CCDC40: variants seen among roughly 807,000 people sequenced by gnomAD.
CCDC40 encodes the protein coiled-coil domain 40 molecular ruler complex subunit, also known as coiled-coil domain-containing protein 40.
Under a neutral mutation model 124.5 loss-of-function variants are expected in CCDC40, and 104 were observed. The ratio of observed to expected loss-of-function variants is 0.84; its 90% CI spans 0.71 to 0.98. CCDC40 has a LOEUF of 0.98. Among genes scored for constraint, CCDC40 ranks in the 50% least tolerant of loss-of-function variants. The probability of loss-of-function intolerance (pLI) is 0.00; values close to 1 mark genes in which losing one functional copy is unlikely to be tolerated. For synonymous variants in CCDC40, 580 were observed against 602.9 expected, an observed-to-expected ratio of 0.96 and a Z score of 0.56; for missense variants, 1,463 against 1,503.9, an observed-to-expected ratio of 0.97 and a Z score of 0.45.
In CCDC40 at chr17:80,047,297, C is replaced by T. The variant is rs1271192569; in HGVS notation, c.571C>T (p.Pro191Ser). Residue 191 changes from proline (P) to serine (S), a missense_variant, in exon 4 of 20, where the codon CCC becomes TCC. Transcript: ENST00000397545. ...GCCATAGACAGGATCCACAGAGGAGCCCCAGGGGCAGGTGCTCCCAATGGG... is the reference window on the plus strand; with the variant it reads ...GCCATAGACAGGATCCACAGAGGAGTCCCAGGGGCAGGTGCTCCCAATGGG... Reference protein sequence around the residue: ...VGRLTGSTEEPQGQVLPMGVQ... With the variant: ...VGRLTGSTEESQGQVLPMGVQ... 2 of 1,613,746 alleles carry T rather than the reference C, an allele frequency of 1.2e-6. No individual in the cohort carries two copies. The highest frequency in any genetic ancestry group is 1.7e-6 in the Non-Finnish European group (2 of 1,179,834).
At chr17:80,067,684 G>A (rs559808248) in intron 10 of CCDC40, 47 of 1,535,682 alleles carry the variant, frequency 3.1e-5, no homozygotes, top group Non-Finnish European at 3.7e-5. Flanking sequence ...GAATGCTAAC[G>A]CTCACCAGGA....
In CCDC40 at chr17:80,058,598, G is replaced by T. The variant is rs774282835; in HGVS notation, c.1264G>T (p.Val422Leu). 6.2e-7 allele frequency: 1 copy of T among 1,614,232 alleles called. No homozygotes were observed. Among genetic ancestry groups the T allele is most frequent in the Non-Finnish European group, 8.5e-7 (1 of 1,180,036 alleles). The change falls in exon 8 of 20, where the codon GTA becomes TTA. Residue 422 changes from valine to leucine, a missense_variant. By Grantham distance (32) the Val-to-Leu change is conservative (BLOSUM62 1). Transcript: ENST00000397545. The surrounding 1 kb of genome is among the most constrained non-coding windows in gnomAD (Gnocchi z 4.2). Reference protein sequence around the residue: ...RDDIRVMTQVVKKAETERIRA... With the variant: ...RDDIRVMTQVLKKAETERIRA... Reference sequence around the variant, plus strand: ...CGACATCCGCGTGATGACACAAGTGGTAAAGAAGGCCGAGACGGAGAGGAT... The same window carrying T: ...CGACATCCGCGTGATGACACAAGTGTTAAAGAAGGCCGAGACGGAGAGGAT...
chr17:80,058,473 C>T lies in CCDC40; in HGVS notation c.1160-21C>T, dbSNP rs1465525885. ...CTCCCCACTCACTCTCTCTCTCTTT[C>T]TCCCCCGCCGCGCCCCGCAGTGGCG... On this transcript the variant is annotated intron_variant, in intron 7 of 19. Transcript: ENST00000397545. This position sits in a 1 kb window ranked among gnomAD's most constrained non-coding sequence, Gnocchi z 4.2. 6.2e-7 allele frequency: 1 copy of T among 1,612,124 alleles called. No homozygotes were observed. Among genetic ancestry groups the T allele is most frequent in the East Asian group, 2.2e-5 (1 of 44,864 alleles).
At chr17:80,041,206 C>A (rs2037271449) in intron 3 of CCDC40, among the ~76,000 whole-genome samples, 1 of 152,130 alleles carries the variant, frequency 6.6e-6, no homozygotes, top group Non-Finnish European at 1.5e-5. Context: ...TGGGACACAA[C>A]CATCAAAATC....
rs139301500 is a variant in CCDC40 at position 80,095,474 on chromosome 17, CAG to C, written c.3021+24_3021+25del. On this transcript the variant is annotated intron_variant, in intron 18 of 19. Transcript: ENST00000397545. ...AAGGTAGGGAGCAGCGGAAAGGAAACAGGGCGCCTGCTCCTCTCTCTGGGATT... is the reference window on the plus strand; with the variant it reads ...AAGGTAGGGAGCAGCGGAAAGGAAACGGCGCCTGCTCCTCTCTCTGGGATT... 44,723 of 1,610,074 alleles carry C rather than the reference CAG, an allele frequency of 0.028. 679 individuals carry two copies. Among genetic ancestry groups the C allele is most frequent in the Non-Finnish European group, 0.032 (37,301 of 1,176,708 alleles).
chr17:80,058,729 CGT>C lies in CCDC40; in HGVS notation c.1317+80_1317+81del. On this transcript the variant is annotated intron_variant, in intron 8 of 19. Transcript: ENST00000397545. This position sits in a 1 kb window ranked among gnomAD's most constrained non-coding sequence, Gnocchi z 4.2. ...AAAAGGGGCTCAGCTTTGCCTCCTG[CGT>C]GAAGGCTTCCGGCCGGAGGGGTGGC... The C allele has an allele frequency of 6.2e-7, 1 of 1,600,900 alleles. No homozygotes were observed. The highest frequency in any genetic ancestry group is 8.6e-7 in the Non-Finnish European group (1 of 1,168,254).
rs1053242300 is a variant in CCDC40 at position 80,090,711 on chromosome 17, G to T, written c.2832+827G>T. On this transcript the variant is annotated intron_variant, in intron 17 of 19. Coordinates refer to ENST00000397545, the MANE Select transcript of CCDC40 (RefSeq NM_017950.4). ...AATTAGATTTCATTGCCTTTAAAAG[G>T]CTGGTAATTAAATTGCAAGTGGTCA... The T allele has an allele frequency of 9.9e-6, 14 of 1,414,956 alleles. No homozygotes were observed. In the African/African-American group the frequency reaches 1.0e-4, roughly 10 times the overall value. The allele number at this position is 1,414,956 out of a possible 1,614,324, so 87.7% of individuals were successfully genotyped here. A position where few individuals can be genotyped will look rare whatever the true frequency, so the allele number is the denominator to read the frequency against.
At chr17:80,096,765 G>A (rs2038816643) in intron 18 of CCDC40, among the ~76,000 whole-genome samples, 2 of 152,222 alleles carry the variant, frequency 1.3e-5, no homozygotes, top group Admixed American at 6.5e-5. Context: ...CATGTCAGCT[G>A]CCAAACACTG....
intron 5 of CCDC40, 58 bp downstream of exon 5, chr17:80,048,819 C>T: frequency 3.4e-6 from 5 of 1,454,872 alleles, no homozygotes; most frequent in Non-Finnish European, 4.7e-6. Flanking sequence ...TGACTCAGGC[C>T]CCTTTCTCTG....
chr17:80,074,375 C>T (rs761327268), intron 10 of CCDC40, among the ~76,000 whole-genome samples: 2 of 152,106 alleles, frequency 1.3e-5, no homozygotes, highest in East Asian at 1.9e-4. Context: ...CCAGGCATGG[C>T]GGCAGGTGCT....
rs1396709278 is a variant in CCDC40, at chr17:80,044,716, A to AT, written c.553-2563_553-2562insT. 4.4e-3 allele frequency among the ~76,000 whole-genome samples: 579 copies of AT among 131,750 alleles called. 6 individuals carry two copies. The highest frequency in any genetic ancestry group is 0.032 in the East Asian group (149 of 4,636). 86.4% of individuals were successfully genotyped at this position (131,750 alleles called of 152,430 possible). On this transcript the variant is annotated intron_variant, in intron 3 of 19. Transcript: ENST00000397545. Reference sequence around the variant, plus strand: ...AACAAAACAAACAAACAAAAAAAAAAATATATATATATATATATATATCTC... The same window carrying AT: ...AACAAAACAAACAAACAAAAAAAAAATATATATATATATATATATATATCTC...
intron 7 of CCDC40, among the ~76,000 whole-genome samples, chr17:80,050,884 G>A (rs28412282): frequency 0.32 from 48,510 of 152,018 alleles, 10,508 homozygotes; most frequent in African/African-American, 0.62. Flanking sequence ...GGCGAGAGCA[G>A]ACCGGGGGTG....
chr17:80,075,620 G>T (rs991760160), intron 10 of CCDC40, among the ~76,000 whole-genome samples: 9 of 152,002 alleles, frequency 5.9e-5, no homozygotes, highest in Admixed American at 2.6e-4. Context: ...AGGGGTGGTC[G>T]CTGCTGAAGC....
In CCDC40 at chr17:80,087,870, C is replaced by T. The variant is rs2038621260; in HGVS notation, c.2619+94C>T. 1.5e-6 allele frequency: 2 copies of T among 1,341,262 alleles called. No individual in the cohort carries two copies. The highest frequency in any genetic ancestry group is 2.9e-5 in the African/African-American group (2 of 69,376). 83.1% of individuals were successfully genotyped at this position (1,341,262 alleles called of 1,614,324 possible). A position where few individuals can be genotyped will look rare whatever the true frequency, so the allele number is the denominator to read the frequency against. ...GCGTTCTGCACCAGGATGTAATTTC[C>T]ACACCCGTTCAAGATGCTTGTAGGG... is the stretch of plus-strand genomic sequence containing the variant. On this transcript the variant is annotated intron_variant, in intron 15 of 19. Transcript: ENST00000397545. This position sits in a 1 kb window ranked among gnomAD's most constrained non-coding sequence, Gnocchi z 4.5.
rs766826270 is a variant in CCDC40 at position 80,058,683 on chromosome 17, T to C, written c.1317+32T>C. On this transcript the variant is annotated intron_variant, in intron 8 of 19. Transcript: ENST00000397545. The surrounding 1 kb of genome is among the most constrained non-coding windows in gnomAD (Gnocchi z 4.2). ...TGCAAACTCGACACATGTTTAATGA[T>C]CACCAGACCGTGGAGCTTCAAAAAG... The C allele has an allele frequency of 4.3e-5, 69 of 1,613,292 alleles. No homozygotes were observed. Among genetic ancestry groups the C allele is most frequent in the Non-Finnish European group, 5.9e-5 (69 of 1,179,262 alleles).
At chr17:80,074,081 A>G (rs1598522998) in intron 10 of CCDC40, among the ~76,000 whole-genome samples, 4 of 152,360 alleles carry the variant, frequency 2.6e-5, no homozygotes, top group African/African-American at 9.6e-5. Context: ...CTCTTGCACC[A>G]AAGGGATAGC....
At chr17:80,044,704 A>ATGTGTGTATATATATATATATAT (rs1485851817) in intron 3 of CCDC40, among the ~76,000 whole-genome samples, 1 of 37,226 alleles carries the variant, frequency 2.7e-5, no homozygotes, top group African/African-American at 7.9e-5. Flanking sequence ...AAAACAAACA[A>ATGTGTGTATATATATATATATAT]ACAAAAAAAA....
intron 18 of CCDC40, 129 bp downstream of exon 18, chr17:80,095,580 G>C: frequency 1.2e-6 from 1 of 825,460 alleles, no homozygotes; most frequent in South Asian, 1.6e-5. Flanking sequence ...GCTCAGCACT[G>C]CTAACCTGCT....
rs77778968 is a variant in CCDC40, at chr17:80,097,632, A to G, written c.3180+229A>G. The G allele has an allele frequency of 2.9e-3, 1,658 of 579,870 alleles. 21 individuals carry two copies. The highest frequency in any genetic ancestry group is 0.028 in the African/African-American group (1,485 of 53,600). 35.9% of individuals were successfully genotyped at this position (579,870 alleles called of 1,614,324 possible). On this transcript the variant is annotated intron_variant, in intron 19 of 19. Coordinates refer to ENST00000397545, the MANE Select transcript of CCDC40 (RefSeq NM_017950.4). Reference sequence around the variant, plus strand: ...TCTGTTATGGGCTGGGCTCATGTTCAGCGTGCGAGGGTTACAAAATAGAAC... The same window carrying G: ...TCTGTTATGGGCTGGGCTCATGTTCGGCGTGCGAGGGTTACAAAATAGAAC...
Sources: gnomAD v4.1 joint callset for allele counts (sites outside exome capture counted in the v4.1 genomes callset) on GRCh38, gnomAD v4.1.1 for gene constraint, Gnocchi (gnomAD v3.1) non-coding constraint, MANE v1.5 for transcripts, NCBI Gene and HGNC (gene_info 2026-07-23, HGNC 2026-07-21) for gene names.